STYK1: variants seen among roughly 807,000 people sequenced by gnomAD.
The protein encoded by STYK1 is tyrosine-protein kinase STYK1.
STYK1 carries 46 observed loss-of-function variants against 48.1 expected under a neutral mutation model. That is an observed-to-expected ratio of 0.96 (90% CI 0.75 to 1.22). The LOEUF (loss-of-function observed/expected upper bound fraction) is 1.22. Among genes scored for constraint, STYK1 ranks in the 50% most tolerant of loss-of-function variants. STYK1 has a pLI of 0.00. For missense variants in STYK1, 527 were observed against 521.1 expected (o/e 1.01, Z -0.11); for synonymous variants, 188 against 189.0 (o/e 0.99, Z 0.04).
In STYK1 at chr12:10,627,686, TG is replaced by T; in HGVS notation, c.671del (p.Thr224LysfsTer35). The T allele has an allele frequency of 1.9e-6, 3 of 1,613,850 alleles. No homozygotes were observed. The highest frequency in any genetic ancestry group is 2.5e-6 in the Non-Finnish European group (3 of 1,179,910). ...MTMDGLLYDLTEKQVYHIGKQ... is the reference protein window; with the variant it reads ...MTMDGLLYDLXEKQVYHIGKQ... ...TTCCGATGTGATATACTTGTTTTTC[TG>T]TGAGATCATAGAGAAGACCATCCAT... is the stretch of plus-strand genomic sequence containing the variant. On this transcript the variant is annotated frameshift_variant, in exon 7 of 11. Transcript: ENST00000075503. LOFTEE classifies it high-confidence loss of function.
intron 10 of STYK1, 127 bp downstream of exon 10, chr12:10,621,749 T>A (rs1410768309): frequency 6.7e-6 from 5 of 743,124 alleles, no homozygotes; most frequent in African/African-American, 5.3e-5. Flanking sequence ...ATGGGTTTGG[T>A]TAAAAGCTGT....
chr12:10,635,209 C>T (rs953880461), intron 2 of STYK1, among the ~76,000 whole-genome samples: 1 of 152,216 alleles, frequency 6.6e-6, no homozygotes, highest in Non-Finnish European at 1.5e-5. Context: ...AAATCTCAAA[C>T]TCTTGGGCTC....
chr12:10,631,017 AGGG>A, intron 5 of STYK1, 25 bp downstream of exon 5: 1 of 1,608,716 alleles, frequency 6.2e-7, no homozygotes, highest in Non-Finnish European at 8.5e-7. Flanking sequence ...TGTTAGGGGA[AGGG>A]GGAGTCAAAC....
chr12:10,643,499 T>C (rs1947567103), intron 1 of STYK1, among the ~76,000 whole-genome samples: 1 of 152,220 alleles, frequency 6.6e-6, no homozygotes, highest in Non-Finnish European at 1.5e-5. Flanking sequence ...TACAATCTAG[T>C]TAGTTTATCT....
At chr12:10,621,811 A>G (rs917491896) in intron 10 of STYK1, 65 bp downstream of exon 10, 12 of 1,473,174 alleles carry the variant, frequency 8.1e-6, no homozygotes, top group Middle Eastern at 1.7e-4. Context: ...TGAAAAGGGC[A>G]CGATTGATAG....
chr12:10,629,387 A>G (rs2168747), intron 6 of STYK1, 106 bp downstream of exon 6: 707,561 of 1,183,522 alleles, frequency 0.6, 215,128 homozygotes, highest in East Asian at 0.77. Context: ...CTGTCATGCT[A>G]TTATAGTGTC....
At chr12:10,661,125 T>C (rs12316690) in intron 1 of STYK1, among the ~76,000 whole-genome samples, 60,492 of 151,890 alleles carry the variant, frequency 0.4, 12,243 homozygotes, top group Middle Eastern at 0.45. Context: ...AATAAAAACG[T>C]CTCAAGAAAA....
chr12:10,668,271 TA>T (rs1947855397), intron 1 of STYK1, among the ~76,000 whole-genome samples: 1 of 152,134 alleles, frequency 6.6e-6, no homozygotes, highest in African/African-American at 2.4e-5. Context: ...AACCAGAGCT[TA>T]AAACGGATTT....
intron 1 of STYK1, among the ~76,000 whole-genome samples, chr12:10,656,804 T>C (rs796366970): frequency 1.2e-4 from 19 of 152,296 alleles, no homozygotes; most frequent in African/African-American, 4.3e-4. Flanking sequence ...AAAGCCTCTG[T>C]TTTCCTTATG....
At chr12:10,635,950 T>G (rs1383483558) in intron 2 of STYK1, among the ~76,000 whole-genome samples, 1 of 152,190 alleles carries the variant, frequency 6.6e-6, no homozygotes, top group African/African-American at 2.4e-5. Context: ...CTGATTAACT[T>G]GAAAGAAAAT....
intron 1 of STYK1, among the ~76,000 whole-genome samples, chr12:10,667,661 T>C (rs1356760591): frequency 6.6e-6 from 1 of 152,104 alleles, no homozygotes; most frequent in Non-Finnish European, 1.5e-5. Flanking sequence ...TAACTGTTGA[T>C]ATTCCTTGTT....
At chr12:10,648,729 C>T (rs989108000) in intron 1 of STYK1, among the ~76,000 whole-genome samples, 1 of 151,828 alleles carries the variant, frequency 6.6e-6, no homozygotes, top group Non-Finnish European at 1.5e-5. Flanking sequence ...TCCCGGGTGG[C>T]TAATTTTTAA....
chr12:10,653,933 A>T (rs1426512762), intron 1 of STYK1, among the ~76,000 whole-genome samples: 1 of 152,174 alleles, frequency 6.6e-6, no homozygotes, highest in Non-Finnish European at 1.5e-5. Context: ...GAGGTTAGGC[A>T]TTCTTAGTTA....
chr12:10,671,166 T>C (rs1300443999), intron 1 of STYK1, among the ~76,000 whole-genome samples: 2 of 151,902 alleles, frequency 1.3e-5, no homozygotes, highest in Non-Finnish European at 2.9e-5. Flanking sequence ...AGCTAATTTT[T>C]TGTATTTTTA....
chr12:10,640,323 G>A (rs1431859008), intron 1 of STYK1, among the ~76,000 whole-genome samples: 1 of 152,114 alleles, frequency 6.6e-6, no homozygotes, highest in East Asian at 1.9e-4. Flanking sequence ...CCAGTGAGAG[G>A]ACACAGAGTG....
intron 6 of STYK1, among the ~76,000 whole-genome samples, 177 bp downstream of exon 6, chr12:10,629,316 G>A (rs760423480): frequency 5.9e-5 from 9 of 152,208 alleles, no homozygotes; most frequent in Non-Finnish European, 1.2e-4. Context: ...ACTGGATGGA[G>A]CAGTTATAGA....
chr12:10,637,489 C>A (rs1411893962), intron 1 of STYK1, among the ~76,000 whole-genome samples: 2 of 152,028 alleles, frequency 1.3e-5, no homozygotes, highest in Non-Finnish European at 2.9e-5. Flanking sequence ...AGGCACCCAC[C>A]ACCACGCACG....
chr12:10,652,614 A>G (rs2120747796), intron 1 of STYK1, among the ~76,000 whole-genome samples: 1 of 152,256 alleles, frequency 6.6e-6, no homozygotes, highest in Non-Finnish European at 1.5e-5. Flanking sequence ...GATCTGTTAA[A>G]TCCTTCAGGC....
chr12:10,634,218 T>A, intron 3 of STYK1, 94 bp from the exon 4 acceptor site: 1 of 1,427,908 alleles, frequency 7.0e-7, no homozygotes. Context: ...CAGCTCATCA[T>A]ACATGAAAAG....
Sources: gnomAD v4.1 joint callset for allele counts (sites outside exome capture counted in the v4.1 genomes callset) on GRCh38, gnomAD v4.1.1 for gene constraint, MANE v1.5 for transcripts, NCBI Gene and HGNC (gene_info 2026-07-23, HGNC 2026-07-21) for gene names.